PALM2AKAP2: variants seen among roughly 807,000 people sequenced by gnomAD.
PALM2AKAP2 encodes PALM2 and AKAP2 fusion.
Under a neutral mutation model 71.5 loss-of-function variants are expected in PALM2AKAP2, and 37 were observed. That is an observed-to-expected ratio of 0.52 (90% CI 0.40 to 0.68). The LOEUF is 0.68. PALM2AKAP2 is among the 30% of genes least tolerant of loss of function. The pLI is 0.00. For missense variants in PALM2AKAP2, 1,224 were observed against 1,191.8 expected, an observed-to-expected ratio of 1.03 and a Z score of -0.40; for synonymous variants, 468 against 478.8, an observed-to-expected ratio of 0.98 and a Z score of 0.29.
chr9:110,167,249 C>T (rs774313029), intron 3 of PALM2AKAP2, among the ~76,000 whole-genome samples: 2 of 152,218 alleles, frequency 1.3e-5, no homozygotes, highest in African/African-American at 2.4e-5. Flanking sequence ...ACCAACATCA[C>T]TGTCCCTTGC....
At chr9:109,717,230 G>C (rs1476663451) in intron 1 of PALM2AKAP2, among the ~76,000 whole-genome samples, 1 of 152,146 alleles carries the variant, frequency 6.6e-6, no homozygotes, top group African/African-American at 2.4e-5. Context: ...GGACTCCTAG[G>C]CTTCTCCCAA....
chr9:109,785,043 T>A (rs776006373), intron 1 of PALM2AKAP2, among the ~76,000 whole-genome samples: 1 of 152,358 alleles, frequency 6.6e-6, no homozygotes, highest in South Asian at 2.1e-4. Flanking sequence ...CTGTTATGTC[T>A]GCACATTGGA....
chr9:109,888,000 T>A (rs1277487666), intron 3 of PALM2AKAP2, among the ~76,000 whole-genome samples: 1 of 152,190 alleles, frequency 6.6e-6, no homozygotes, highest in Non-Finnish European at 1.5e-5. Flanking sequence ...GTCTTCAGCC[T>A]ATTGTGGGTG....
intron 5 of PALM2AKAP2, among the ~76,000 whole-genome samples, chr9:109,927,812 C>T (rs1055411856): frequency 6.6e-6 from 1 of 152,224 alleles, no homozygotes; most frequent in African/African-American, 2.4e-5. Context: ...TTGGTTTTCA[C>T]TGTCTTAGGC....
chr9:109,696,986 T>C (rs1307287900), intron 1 of PALM2AKAP2, among the ~76,000 whole-genome samples: 1 of 152,202 alleles, frequency 6.6e-6, no homozygotes, highest in Non-Finnish European at 1.5e-5. Flanking sequence ...ACCTCATCTT[T>C]CCTTAGCTTC....
intron 1 of PALM2AKAP2, among the ~76,000 whole-genome samples, chr9:109,711,334 G>A (rs1828232255): frequency 6.6e-6 from 1 of 152,188 alleles, no homozygotes; most frequent in Non-Finnish European, 1.5e-5. Flanking sequence ...ATATTAATAT[G>A]CACTACTGAG....
intron 1 of PALM2AKAP2, among the ~76,000 whole-genome samples, chr9:109,686,609 T>A (rs1029951756): frequency 6.8e-6 from 1 of 147,878 alleles, no homozygotes; most frequent in Admixed American, 6.8e-5. Flanking sequence ...GGCTTTGTTG[T>A]TCCATTTATT....
At chr9:109,685,728 A>C (rs543961055) in intron 1 of PALM2AKAP2, among the ~76,000 whole-genome samples, 1 of 152,134 alleles carries the variant, frequency 6.6e-6, no homozygotes, top group Non-Finnish European at 1.5e-5. Flanking sequence ...CTGACTGATC[A>C]GGATGGTGGT....
chr9:109,819,800 A>G (rs1827948861), intron 1 of PALM2AKAP2, among the ~76,000 whole-genome samples: 1 of 152,094 alleles, frequency 6.6e-6, no homozygotes, highest in Non-Finnish European at 1.5e-5. Flanking sequence ...AGCCACCCTG[A>G]GTTGAAATAA....
chr9:109,980,295 C>T (rs2132191022), intron 6 of PALM2AKAP2, among the ~76,000 whole-genome samples: 1 of 152,308 alleles, frequency 6.6e-6, no homozygotes, highest in Non-Finnish European at 1.5e-5. Context: ...AAGAATGGGG[C>T]TGATCTCAAC....
chr9:109,973,465 A>G (rs1021982094), intron 6 of PALM2AKAP2, among the ~76,000 whole-genome samples: 1 of 152,210 alleles, frequency 6.6e-6, no homozygotes, highest in Non-Finnish European at 1.5e-5. Flanking sequence ...TACTAGGAGA[A>G]CCATATAGTG....
chr9:109,898,463 A>T, intron 3 of PALM2AKAP2, among the ~76,000 whole-genome samples: 1 of 152,224 alleles, frequency 6.6e-6, no homozygotes, highest in East Asian at 1.9e-4. Context: ...TATATGTTAG[A>T]AATAAACACA....
intron 1 of PALM2AKAP2, among the ~76,000 whole-genome samples, chr9:110,080,035 A>C (rs1299612288): frequency 7.6e-6 from 1 of 132,126 alleles, no homozygotes; most frequent in Non-Finnish European, 1.5e-5. Flanking sequence ...GCGCCATTGC[A>C]CTTCAGCTTG....
At chr9:109,677,267 A>G (rs1418714687) in intron 1 of PALM2AKAP2, among the ~76,000 whole-genome samples, 3 of 152,238 alleles carry the variant, frequency 2.0e-5, no homozygotes, top group African/African-American at 7.2e-5. Context: ...TGTGATTCAC[A>G]GGACCCAACT....
chr9:110,137,987 G>A (rs1281310691), exon 2 of PALM2AKAP2: 33 of 1,613,846 alleles, frequency 2.0e-5, no homozygotes, highest in African/African-American at 2.7e-5. Flanking sequence ...AGCCATAGCC[G>A]AGCAGGTGGA....
intron 1 of PALM2AKAP2, among the ~76,000 whole-genome samples, chr9:109,664,845 C>G (rs527962527): frequency 1.3e-5 from 2 of 152,346 alleles, no homozygotes; most frequent in South Asian, 4.1e-4. Context: ...GTAGTTTGGT[C>G]TTTTCACATA....
intron 1 of PALM2AKAP2, among the ~76,000 whole-genome samples, chr9:110,112,975 C>T (rs79560712): frequency 1.3e-5 from 2 of 152,334 alleles, no homozygotes; most frequent in Non-Finnish European, 2.9e-5. Context: ...GTTGCTAATG[C>T]CTTTGAGGAC....
intron 1 of PALM2AKAP2, among the ~76,000 whole-genome samples, chr9:109,851,500 C>A (rs1218374562): frequency 6.6e-6 from 1 of 152,174 alleles, no homozygotes; most frequent in Non-Finnish European, 1.5e-5. Context: ...GAATCTTCCT[C>A]CAGACTACAG....
chr9:109,748,846 G>C (rs997310622), intron 1 of PALM2AKAP2, among the ~76,000 whole-genome samples: 1 of 152,114 alleles, frequency 6.6e-6, no homozygotes, highest in Non-Finnish European at 1.5e-5. Context: ...TTGGCTTATG[G>C]ATGGCCATCT....
Sources: allele counts gnomAD v4.1 joint callset (sites outside exome capture counted in the v4.1 genomes callset), GRCh38; gene constraint gnomAD v4.1.1; transcripts MANE v1.5; gene names NCBI Gene and HGNC (gene_info 2026-07-23, HGNC 2026-07-21).